Variants in FZD3 observed in about 807,000 individuals in gnomAD.
The protein encoded by FZD3 is frizzled class receptor 3.
In FZD3, 30 loss-of-function variants were observed where a neutral mutation model predicts 60.7. That is an observed-to-expected ratio of 0.49 (90% CI 0.37 to 0.67). The LOEUF is 0.67. FZD3 is among the 30% of genes least tolerant of loss of function. The pLI is 0.00. For synonymous variants in FZD3, 246 were observed against 275.2 expected, an observed-to-expected ratio of 0.89 and a Z score of 1.05; for missense variants, 605 against 838.7, an observed-to-expected ratio of 0.72 and a Z score of 3.44.
In FZD3 at chr8:28,564,309, A is replaced by G. The variant is rs1805666922; in HGVS notation, c.*1298A>G. ...ATCAGAAGAGAAAGAAAAATGCTGG[A>G]ACATGCTTGATGTATTATGTAAAAA... On this transcript the variant is annotated 3_prime_UTR_variant, in exon 8 of 8. Transcript: ENST00000240093. 6.6e-6 allele frequency: 1 copy of G among 152,100 alleles called. No individual in the cohort carries two copies. Among genetic ancestry groups the G allele is most frequent in the African/African-American group, 2.4e-5 (1 of 41,400 alleles). The allele number at this position is 152,100 out of a possible 1,614,324, so 9.4% of individuals were successfully genotyped here.
intron 5 of FZD3, among the ~76,000 whole-genome samples, chr8:28,541,235 A>G (rs1477299567): frequency 1.3e-5 from 2 of 151,974 alleles, no homozygotes; most frequent in East Asian, 1.9e-4. Flanking sequence ...TGGCTCCAAC[A>G]CTCTGCCTGT....
Position 28,567,946 on chromosome 8 carries a change from C to CT in FZD3, c.*4938dup, listed in dbSNP as rs1805733932. On this transcript the variant is annotated 3_prime_UTR_variant, in exon 8 of 8. Transcript: ENST00000240093. ...ATGTAGACCCTATAATGTTTTTTGTCTTTGACTTTTTGGCTTTTATGTACC... is the reference window on the plus strand; with the variant it reads ...ATGTAGACCCTATAATGTTTTTTGTCTTTTGACTTTTTGGCTTTTATGTACC... The CT allele has an allele frequency of 6.6e-6, 1 of 151,812 alleles. No individual in the cohort carries two copies. The allele number at this position is 151,812 out of a possible 1,614,324, so 9.4% of individuals were successfully genotyped here. A position where few individuals can be genotyped will look rare whatever the true frequency, so the allele number is the denominator to read the frequency against.
intron 7 of FZD3, among the ~76,000 whole-genome samples, chr8:28,557,747 A>G (rs958841424): frequency 1.3e-5 from 2 of 152,122 alleles, no homozygotes; most frequent in Non-Finnish European, 2.9e-5. Flanking sequence ...CTTCATTTTA[A>G]CCACAAGGAT....
chr8:28,498,944 A>C (rs1803918445), intron 1 of FZD3, among the ~76,000 whole-genome samples: 1 of 152,180 alleles, frequency 6.6e-6, no homozygotes. Context: ...TTAGTATTGA[A>C]AATCAGATTT....
At chr8:28,549,493 A>G (rs1805364479) in intron 5 of FZD3, among the ~76,000 whole-genome samples, 1 of 152,122 alleles carries the variant, frequency 6.6e-6, no homozygotes, top group African/African-American at 2.4e-5. Context: ...TTTTCCAGGT[A>G]TAAAATTATA....
At position 28,528,165 on chromosome 8, in the gene FZD3, G is replaced by A. The variant is rs1262184167; in HGVS notation, c.1404+1G>A. ...ATATCACATTCCATGTCCATATCAGGTAAGGGAAACCTTGTTACAAATTTC... is the reference window on the plus strand; with the variant it reads ...ATATCACATTCCATGTCCATATCAGATAAGGGAAACCTTGTTACAAATTTC... On this transcript the variant is annotated splice_donor_variant, in intron 5 of 7. Coordinates refer to ENST00000240093, the MANE Select transcript of FZD3 (RefSeq NM_017412.4). LOFTEE classifies it high-confidence loss of function. 6.3e-7 allele frequency: 1 copy of A among 1,597,934 alleles called. No homozygotes were observed.
intron 1 of FZD3, among the ~76,000 whole-genome samples, chr8:28,494,640 G>C (rs1006291468): frequency 1.3e-5 from 2 of 152,028 alleles, no homozygotes; most frequent in African/African-American, 2.4e-5. Context: ...GAGGGCTAAG[G>C]GGGGAGCTGC....
In FZD3 at chr8:28,566,721, T is replaced by C. The variant is rs1805711292; in HGVS notation, c.*3710T>C. ...CATTATGATGATATTTATATTGCTT[T>C]TTGACATGCCAAAGGTACATTTACA... On this transcript the variant is annotated 3_prime_UTR_variant, in exon 8 of 8. Transcript: ENST00000240093. 1 of 152,192 alleles carries C rather than the reference T, an allele frequency of 6.6e-6. No homozygotes were observed. Among genetic ancestry groups the C allele is most frequent in the Admixed American group, 6.5e-5 (1 of 15,280 alleles). The allele number at this position is 152,192 out of a possible 1,614,324, so 9.4% of individuals were successfully genotyped here. A position where few individuals can be genotyped will look rare whatever the true frequency, so the allele number is the denominator to read the frequency against.
At chr8:28,498,352 A>G (rs918729433) in intron 1 of FZD3, among the ~76,000 whole-genome samples, 1 of 151,850 alleles carries the variant, frequency 6.6e-6, no homozygotes, top group Non-Finnish European at 1.5e-5. Flanking sequence ...AACGCCCCAA[A>G]TGACTGTTAA....
chr8:28,544,799 G>T (rs1805256961), intron 5 of FZD3, among the ~76,000 whole-genome samples: 1 of 152,142 alleles, frequency 6.6e-6, no homozygotes, highest in Non-Finnish European at 1.5e-5. Flanking sequence ...GAGTGAAACA[G>T]AATACCTGAA....
At chr8:28,521,565 G>T (rs894268151) in intron 4 of FZD3, among the ~76,000 whole-genome samples, 2 of 152,034 alleles carry the variant, frequency 1.3e-5, no homozygotes, top group African/African-American at 4.8e-5. Context: ...AGGTAGAATT[G>T]AAGGTTTTCC....
chr8:28,504,094 T>C (rs1340561604), intron 3 of FZD3, among the ~76,000 whole-genome samples: 1 of 152,230 alleles, frequency 6.6e-6, no homozygotes, highest in Non-Finnish European at 1.5e-5. Flanking sequence ...GAAGCCTACA[T>C]GTTTTGGAAT....
chr8:28,547,251 A>G (rs947223395), intron 5 of FZD3, among the ~76,000 whole-genome samples: 1 of 152,224 alleles, frequency 6.6e-6, no homozygotes, highest in South Asian at 2.1e-4. Flanking sequence ...TTGGAGATCA[A>G]TACCAAAAGA....
intron 5 of FZD3, among the ~76,000 whole-genome samples, chr8:28,548,533 C>G (rs1043546082): frequency 6.6e-6 from 1 of 152,134 alleles, no homozygotes; most frequent in African/African-American, 2.4e-5. Context: ...CTATTTTTTT[C>G]TAGAAGCCTG....
At position 28,572,110 on chromosome 8, in the gene FZD3, C is replaced by T. The variant is rs1805817011; in HGVS notation, c.*9099C>T. ...TACAGTGTTGTTAGATTATCGCGGTCATCTCGGCATGTGGATCGCTCCTCC... is the reference window on the plus strand; with the variant it reads ...TACAGTGTTGTTAGATTATCGCGGTTATCTCGGCATGTGGATCGCTCCTCC... On this transcript the variant is annotated 3_prime_UTR_variant, in exon 8 of 8. Coordinates refer to ENST00000240093, the MANE Select transcript of FZD3 (RefSeq NM_017412.4). 1 of 151,988 alleles carries T rather than the reference C, an allele frequency of 6.6e-6. No individual in the cohort carries two copies. The highest frequency in any genetic ancestry group is 1.5e-5 in the Non-Finnish European group (1 of 68,014). The allele number at this position is 151,988 out of a possible 1,614,324, so 9.4% of individuals were successfully genotyped here. A position where few individuals can be genotyped will look rare whatever the true frequency, so the allele number is the denominator to read the frequency against.
intron 5 of FZD3, among the ~76,000 whole-genome samples, chr8:28,531,819 TTGTC>T (rs1391741495): frequency 2.0e-5 from 3 of 152,192 alleles, no homozygotes; most frequent in Non-Finnish European, 4.4e-5. Context: ...TTGGTTTTCT[TTGTC>T]AGTCATTTGC....
At position 28,502,881 on chromosome 8, in the gene FZD3, ATT is replaced by A. The variant is rs1253128211; in HGVS notation, c.-131_-130del. 3 of 597,120 alleles carry A rather than the reference ATT, an allele frequency of 5.0e-6. No homozygotes were observed. The African/African-American group carries it at 5.6e-5, about 11-fold the overall frequency. 37.0% of individuals were successfully genotyped at this position (597,120 alleles called of 1,614,324 possible). On this transcript the variant is annotated 5_prime_UTR_variant, in exon 3 of 8. Transcript: ENST00000240093. ...ACAAACCTCTGACGGTGCGAAGAGT[ATT>A]TAACTGTTTGAAGAATTTAACAGTA... is the stretch of plus-strand genomic sequence containing the variant.
chr8:28,536,246 C>T (rs1805009293), intron 5 of FZD3, among the ~76,000 whole-genome samples: 1 of 151,804 alleles, frequency 6.6e-6, no homozygotes, highest in Non-Finnish European at 1.5e-5. Flanking sequence ...CCTAAAATGC[C>T]CCTTCATTTT....
rs575102419 is a variant in FZD3, at chr8:28,508,292, T to A, written c.189+5090T>A. Among the ~76,000 whole-genome samples the A allele has an allele frequency of 5.3e-5, 8 of 152,294 alleles. No individual in the cohort carries two copies. In the South Asian group the frequency reaches 1.7e-3, roughly 32 times the overall value. Reference sequence around the variant, plus strand: ...CTTCATAAAATTCCGCGTCAAACTCTGAATCATCAATTTCTTTAGGAAGCT... The same window carrying A: ...CTTCATAAAATTCCGCGTCAAACTCAGAATCATCAATTTCTTTAGGAAGCT... On this transcript the variant is annotated intron_variant, in intron 3 of 7. Coordinates refer to ENST00000240093, the MANE Select transcript of FZD3 (RefSeq NM_017412.4).
Sources: allele counts gnomAD v4.1 joint callset (sites outside exome capture counted in the v4.1 genomes callset), GRCh38; gene constraint gnomAD v4.1.1; transcripts MANE v1.5; gene names NCBI Gene and HGNC (gene_info 2026-07-23, HGNC 2026-07-21).